RBM6: variants seen among roughly 807,000 people sequenced by gnomAD.
The protein encoded by RBM6 is RNA binding motif protein 6.
In RBM6, 23 loss-of-function variants were observed where a neutral mutation model predicts 140.4. The observed-to-expected ratio is 0.16, with a 90% CI of 0.12 to 0.23. RBM6 has a LOEUF of 0.23. Ranked by LOEUF, RBM6 falls within the 10% of genes least tolerant of loss-of-function variation. The probability of loss-of-function intolerance (pLI) is 1.00; values close to 1 mark genes in which losing one functional copy is unlikely to be tolerated. For synonymous variants in RBM6, 439 were observed against 475.6 expected, an observed-to-expected ratio of 0.92 and a Z score of 1.00; for missense variants, 1,139 against 1,386.7, an observed-to-expected ratio of 0.82 and a Z score of 2.84.
At chr3:49,969,509 T>TTA (rs952382291) in intron 3 of RBM6, among the ~76,000 whole-genome samples, 28 of 146,950 alleles carry the variant, frequency 1.9e-4, no homozygotes, top group East Asian at 5.9e-4. Context: ...GAATATATAT[T>TTA]TATATATATA....
intron 6 of RBM6, among the ~76,000 whole-genome samples, chr3:50,001,667 A>G (rs1357088028): frequency 6.6e-6 from 1 of 152,134 alleles, no homozygotes; most frequent in Non-Finnish European, 1.5e-5. Flanking sequence ...CAACTGTACT[A>G]ACCATGTGTC....
intron 4 of RBM6, 65 bp downstream of exon 4, chr3:49,972,213 A>G: frequency 1.5e-6 from 2 of 1,293,722 alleles, no homozygotes; most frequent in Non-Finnish European, 2.2e-6. Context: ...TTTTAATTTG[A>G]AAAATTGTAG....
intron 20 of RBM6, 84 bp from the exon 21 acceptor site, chr3:50,076,924 G>T: frequency 7.3e-7 from 1 of 1,368,722 alleles, no homozygotes; most frequent in Non-Finnish European, 9.8e-7. Context: ...CTTCTTACTA[G>T]TCCAGAAATG....
At chr3:49,961,585 T>C (rs1006742099) in intron 1 of RBM6, among the ~76,000 whole-genome samples, 1 of 148,996 alleles carries the variant, frequency 6.7e-6, no homozygotes, top group African/African-American at 2.5e-5. Flanking sequence ...TGGATCACAA[T>C]GTTAGGAGTT....
chr3:49,985,849 G>A lies in RBM6; in HGVS notation c.1483+10457G>A, dbSNP rs182158322. 2.6e-3 allele frequency among the ~76,000 whole-genome samples: 401 copies of A among 152,004 alleles called. 2 individuals carry two copies. The highest frequency in any genetic ancestry group is 4.7e-3 in the Non-Finnish European group (319 of 67,980). ...TCTCGATCTCCTGACCTTGTGATCCGCCCACCTCGGCCTCCCAAAGTGCTG... is the reference window on the plus strand; with the variant it reads ...TCTCGATCTCCTGACCTTGTGATCCACCCACCTCGGCCTCCCAAAGTGCTG... On this transcript the variant is annotated intron_variant, in intron 5 of 20. Transcript: ENST00000266022.
chr3:49,940,811 T>C (rs879476008), intron 1 of RBM6: 3 of 152,174 alleles, frequency 2.0e-5, no homozygotes, highest in Non-Finnish European at 4.4e-5. Context: ...CGCTTTAGAT[T>C]CCATTAGCGG....
At chr3:49,946,795 A>G (rs963968212) in intron 1 of RBM6, among the ~76,000 whole-genome samples, 5 of 150,580 alleles carry the variant, frequency 3.3e-5, no homozygotes, top group Non-Finnish European at 7.4e-5. Flanking sequence ...TTGGCCTCCC[A>G]AGGTGCTGGG....
Position 49,967,239 on chromosome 3 carries a change from C to T in RBM6, c.45-231C>T. 7.7e-7 allele frequency: 1 copy of T among 1,297,128 alleles called. No homozygotes were observed. The highest frequency in any genetic ancestry group is 9.8e-7 in the Non-Finnish European group (1 of 1,023,134). 80.4% of individuals were successfully genotyped at this position (1,297,128 alleles called of 1,614,324 possible). The stretch of plus-strand genomic sequence containing the variant: ...TTTCTGCAGCAGTCATGTTGAAAAC[C>T]TTGTGTTGACTTTCCTCGTGTTCTG... On this transcript the variant is annotated intron_variant, in intron 2 of 20. Transcript: ENST00000266022. This position sits in a 1 kb window ranked among gnomAD's most constrained non-coding sequence, Gnocchi z 4.0.
chr3:49,954,135 C>T (rs1054318356), intron 1 of RBM6, among the ~76,000 whole-genome samples: 1 of 144,116 alleles, frequency 6.9e-6, no homozygotes, highest in Non-Finnish European at 1.5e-5. Flanking sequence ...GATAAGGTCT[C>T]AGAAAAAAAA....
At chr3:50,076,130 A>C (rs986290949) in intron 20 of RBM6, among the ~76,000 whole-genome samples, 3 of 151,886 alleles carry the variant, frequency 2.0e-5, no homozygotes, top group African/African-American at 7.2e-5. Flanking sequence ...CACCATACCC[A>C]GCTAATTTTT....
intron 6 of RBM6, among the ~76,000 whole-genome samples, chr3:50,001,000 C>T (rs960023369): frequency 6.6e-6 from 1 of 152,160 alleles, no homozygotes; most frequent in Non-Finnish European, 1.5e-5. Context: ...GGCTTAGGAC[C>T]ATATCCCCTA....
intron 5 of RBM6, among the ~76,000 whole-genome samples, chr3:49,994,669 G>GGTGGGTGTGT (rs1553646033): frequency 7.4e-5 from 11 of 148,164 alleles, no homozygotes; most frequent in Admixed American, 1.3e-4. Flanking sequence ...AAGGCTGTGG[G>GGTGGGTGTGT]GTGTGTGTGT....
At chr3:50,046,684 A>G (rs1441412368) in intron 6 of RBM6, among the ~76,000 whole-genome samples, 1 of 151,982 alleles carries the variant, frequency 6.6e-6, no homozygotes, top group Non-Finnish European at 1.5e-5. Context: ...CCCTGCATAC[A>G]GAGCCTGTCT....
chr3:49,954,311 G>A (rs1282210326), intron 1 of RBM6, among the ~76,000 whole-genome samples: 1 of 151,706 alleles, frequency 6.6e-6, no homozygotes, highest in Non-Finnish European at 1.5e-5. Context: ...GTGGTGGCAC[G>A]TGCCTGTAGT....
intron 6 of RBM6, 81 bp downstream of exon 6, chr3:49,999,594 C>A: frequency 8.3e-7 from 1 of 1,201,944 alleles, no homozygotes; most frequent in Non-Finnish European, 1.2e-6. Flanking sequence ...AATGATTTTA[C>A]TTTGGAAAGG....
chr3:50,022,854 G>A (rs945827265), intron 6 of RBM6, among the ~76,000 whole-genome samples: 2 of 152,052 alleles, frequency 1.3e-5, no homozygotes, highest in African/African-American at 2.4e-5. Flanking sequence ...ATCCCAGCAC[G>A]TTGGGAAGCT....
At position 50,057,754 on chromosome 3, in the gene RBM6, A is replaced by G; in HGVS notation, c.1720A>G (p.Thr574Ala). The change falls in exon 9 of 21, where the codon ACC becomes GCC. Residue 574 changes from threonine to alanine, a missense_variant. By Grantham distance (58) the Thr-to-Ala change is moderately conservative. This residue lies in a region of RBM6 where 109 missense variants were observed against 101.9 expected (regional missense o/e 1.07). Coordinates refer to ENST00000266022, the MANE Select transcript of RBM6 (RefSeq NM_005777.3). The part of the protein sequence containing the change: ...EVTEAKQELI[T>A]YPQPQKTSIP... ...GACAGAGGCCAAGCAAGAATTAATA[A>G]CCTACCCTCAGCCTCAGAAAACATC... is the stretch of plus-strand genomic sequence containing the variant. The G allele has an allele frequency of 6.2e-7, 1 of 1,613,424 alleles. No homozygotes were observed. Among genetic ancestry groups the G allele is most frequent in the East Asian group, 2.2e-5 (1 of 44,872 alleles).
chr3:50,027,861 A>C (rs1324333100), intron 6 of RBM6, among the ~76,000 whole-genome samples: 1 of 152,210 alleles, frequency 6.6e-6, no homozygotes, highest in East Asian at 1.9e-4. Context: ...AAAGAGCCAC[A>C]ATGCTAAAAC....
At chr3:49,978,772 A>T (rs979386075) in intron 5 of RBM6, among the ~76,000 whole-genome samples, 3 of 152,186 alleles carry the variant, frequency 2.0e-5, no homozygotes, top group African/African-American at 7.2e-5. Context: ...TTTACCAAAA[A>T]ACTTGACATT....
Sources: gnomAD v4.1 joint callset for allele counts (sites outside exome capture counted in the v4.1 genomes callset) on GRCh38, gnomAD v4.1.1 for gene constraint, gnomAD v4.1.1 regional missense constraint, Gnocchi (gnomAD v3.1) non-coding constraint, MANE v1.5 for transcripts, NCBI Gene and HGNC (gene_info 2026-07-23, HGNC 2026-07-21) for gene names.